TMEM132B: variants seen among roughly 807,000 people sequenced by gnomAD.
TMEM132B encodes the protein transmembrane protein 132B.
TMEM132B carries 18 observed loss-of-function variants against 90.8 expected under a neutral mutation model. That is an observed-to-expected ratio of 0.20 (90% CI 0.14 to 0.29). The LOEUF is 0.29. Ranked by LOEUF, TMEM132B falls within the 10% of genes least tolerant of loss-of-function variation. The pLI is 1.00. For synonymous variants in TMEM132B, 504 were observed against 523.3 expected, an observed-to-expected ratio of 0.96 and a Z score of 0.50; for missense variants, 1,096 against 1,326.8, an observed-to-expected ratio of 0.83 and a Z score of 2.70.
chr12:125,559,440 A>T (rs1462160810), intron 4 of TMEM132B, among the ~76,000 whole-genome samples: 1 of 152,222 alleles, frequency 6.6e-6, no homozygotes, highest in East Asian at 1.9e-4. Flanking sequence ...GTCTGAAAAC[A>T]ACCCTTACTG....
intron 3 of TMEM132B, among the ~76,000 whole-genome samples, chr12:125,420,987 C>T (rs1246178210): frequency 6.6e-6 from 1 of 152,200 alleles, no homozygotes; most frequent in African/African-American, 2.4e-5. Flanking sequence ...CAAGAGTCAC[C>T]TTTATTCCAG....
intron 3 of TMEM132B, among the ~76,000 whole-genome samples, chr12:125,469,676 G>A (rs1881659321): frequency 6.6e-6 from 1 of 152,178 alleles, no homozygotes; most frequent in Non-Finnish European, 1.5e-5. Flanking sequence ...AAAATGAAGA[G>A]CTTTTAGGTT....
At chr12:125,594,775 A>C (rs953290179) in intron 5 of TMEM132B, among the ~76,000 whole-genome samples, 1 of 152,220 alleles carries the variant, frequency 6.6e-6, no homozygotes, top group African/African-American at 2.4e-5. Context: ...CAAGTTCATT[A>C]TCCAATATGT....
rs749436285 is a variant in TMEM132B at position 125,658,697 on chromosome 12, C to T, written c.*3987C>T. ...TAATATAGGCAATATAATGAAACACCGAGTTTTTTAAAGTGAAAGCATGCA... is the reference window on the plus strand; with the variant it reads ...TAATATAGGCAATATAATGAAACACTGAGTTTTTTAAAGTGAAAGCATGCA... On this transcript the variant is annotated 3_prime_UTR_variant, in exon 9 of 9. Coordinates refer to ENST00000682704, the MANE Select transcript of TMEM132B (RefSeq NM_001366854.1). 1 of 152,060 alleles carries T rather than the reference C, an allele frequency of 6.6e-6. No individual in the cohort carries two copies. Among genetic ancestry groups the T allele is most frequent in the Non-Finnish European group, 1.5e-5 (1 of 68,012 alleles). The allele number at this position is 152,060 out of a possible 1,614,324, so 9.4% of individuals were successfully genotyped here. A position where few individuals can be genotyped will look rare whatever the true frequency, so the allele number is the denominator to read the frequency against.
intron 3 of TMEM132B, among the ~76,000 whole-genome samples, chr12:125,451,631 T>C (rs76464674): frequency 5.6e-5 from 2 of 35,846 alleles, no homozygotes; most frequent in Non-Finnish European, 1.0e-4. Flanking sequence ...TGGTCTACTG[T>C]TTTTTTTTTT....
At chr12:125,241,735 C>T (rs143249226) in intron 1 of TMEM132B, among the ~76,000 whole-genome samples, 15 of 152,288 alleles carry the variant, frequency 9.8e-5, no homozygotes, top group South Asian at 4.1e-4. Context: ...TGCTAGAAGC[C>T]GTCCAGTCCA....
intron 4 of TMEM132B, among the ~76,000 whole-genome samples, chr12:125,541,582 A>G (rs532361149): frequency 6.6e-6 from 1 of 152,214 alleles, no homozygotes; most frequent in South Asian, 2.1e-4. Context: ...AGAGCCTTTA[A>G]TATGCCAAAG....
intron 3 of TMEM132B, among the ~76,000 whole-genome samples, chr12:125,470,444 T>C (rs1405583213): frequency 1.3e-5 from 2 of 149,806 alleles, no homozygotes; most frequent in Non-Finnish European, 2.9e-5. Context: ...TCCTTTTATT[T>C]CTTGCTCTTG....
At chr12:125,416,755 G>A (rs1391750321) in intron 3 of TMEM132B, among the ~76,000 whole-genome samples, 1 of 152,168 alleles carries the variant, frequency 6.6e-6, no homozygotes, top group Non-Finnish European at 1.5e-5. Flanking sequence ...CACTAACTAA[G>A]TAATCTGGAT....
At chr12:125,316,453 G>C (rs1221277947) in intron 1 of TMEM132B, among the ~76,000 whole-genome samples, 3 of 152,124 alleles carry the variant, frequency 2.0e-5, no homozygotes, top group African/African-American at 7.2e-5. Flanking sequence ...TCAAGCTAAA[G>C]GGTTCTTTTC....
At chr12:125,347,260 A>G (rs1208300537) in intron 1 of TMEM132B, among the ~76,000 whole-genome samples, 1 of 152,202 alleles carries the variant, frequency 6.6e-6, no homozygotes, top group Non-Finnish European at 1.5e-5. Flanking sequence ...ACAATGCTGG[A>G]AAGATAATAA....
intron 2 of TMEM132B, among the ~76,000 whole-genome samples, chr12:125,381,244 G>T (rs1277271551): frequency 2.0e-5 from 3 of 152,170 alleles, no homozygotes; most frequent in Non-Finnish European, 4.4e-5. Flanking sequence ...ATCTCATGCT[G>T]TACAAGTGCA....
At chr12:125,355,747 G>A (rs1055107578) in intron 2 of TMEM132B, among the ~76,000 whole-genome samples, 1 of 152,300 alleles carries the variant, frequency 6.6e-6, no homozygotes, top group East Asian at 1.9e-4. Context: ...CCAGATCAAA[G>A]CGTGAATGTG....
chr12:125,311,245 G>A (rs768800126), intron 1 of TMEM132B, among the ~76,000 whole-genome samples: 5 of 152,144 alleles, frequency 3.3e-5, no homozygotes, highest in Non-Finnish European at 5.9e-5. Context: ...TAGAGAAACC[G>A]GGTCACCGTT....
intron 4 of TMEM132B, among the ~76,000 whole-genome samples, chr12:125,580,525 C>T (rs980475356): frequency 6.6e-6 from 1 of 152,170 alleles, no homozygotes; most frequent in Non-Finnish European, 1.5e-5. Flanking sequence ...TTCTAGACTG[C>T]TGGTTTTTAC....
chr12:125,433,507 CTTTTTT>C (rs540659092), intron 3 of TMEM132B, among the ~76,000 whole-genome samples: 1 of 140,156 alleles, frequency 7.1e-6, no homozygotes, highest in Non-Finnish European at 1.6e-5. Context: ...TTTGTATTTT[CTTTTTT>C]TTTTTTTGTC....
intron 3 of TMEM132B, among the ~76,000 whole-genome samples, chr12:125,491,638 A>G (rs1593172180): frequency 6.6e-6 from 1 of 152,240 alleles, no homozygotes; most frequent in African/African-American, 2.4e-5. Context: ...CCTGTACACC[A>G]GAGAACCCAC....
chr12:125,296,485 T>C (rs1875675953), intron 1 of TMEM132B, among the ~76,000 whole-genome samples: 1 of 152,240 alleles, frequency 6.6e-6, no homozygotes, highest in Non-Finnish European at 1.5e-5. Flanking sequence ...CGGACCTCTC[T>C]GCTTCACACT....
At chr12:125,623,506 A>T (rs886559042) in intron 5 of TMEM132B, among the ~76,000 whole-genome samples, 1 of 151,982 alleles carries the variant, frequency 6.6e-6, no homozygotes, top group African/African-American at 2.4e-5. Flanking sequence ...TGCTGGTGCC[A>T]TCTAATAGGG....
Sources: gnomAD v4.1 joint callset for allele counts (sites outside exome capture counted in the v4.1 genomes callset) on GRCh38, gnomAD v4.1.1 for gene constraint, MANE v1.5 for transcripts, NCBI Gene and HGNC (gene_info 2026-07-23, HGNC 2026-07-21) for gene names.